The following ZNF469 variants were observed in gnomAD, a reference collection of about 807,000 sequenced individuals.
The protein encoded by ZNF469 is zinc finger protein 469.
ZNF469 carries 1 observed loss-of-function variant against 1.0 expected under a neutral mutation model. That is an observed-to-expected ratio of 1.00 (90% CI 0.35 to 4.73). ZNF469 has a LOEUF of 4.73. ZNF469 is among the 30% of genes most tolerant of loss of function. The probability of loss-of-function intolerance (pLI) is 0.16; values close to 1 mark genes in which losing one functional copy is unlikely to be tolerated. For missense variants in ZNF469, 6,100 were observed against 5,356.3 expected (o/e 1.14, Z -4.33); for synonymous variants, 2,703 against 2,363.4 (o/e 1.14, Z -4.17).
At chr16:88,277,467 A>G in the ZNF469 span, among the ~76,000 whole-genome samples, 2 of 126,372 alleles carry the variant, frequency 1.6e-5, no homozygotes, top group African/African-American at 6.6e-5. Context: ...TACCATGTAG[A>G]TATCATTAGT....
At chr16:88,304,307 C>T in the ZNF469 span, among the ~76,000 whole-genome samples, 1 of 152,186 alleles carries the variant, frequency 6.6e-6, no homozygotes, top group Non-Finnish European at 1.5e-5. Context: ...AATGCACACA[C>T]GTCCCCATCG....
the ZNF469 span, among the ~76,000 whole-genome samples, chr16:88,275,839 G>A: frequency 1.3e-5 from 2 of 152,270 alleles, no homozygotes; most frequent in East Asian, 3.9e-4. Context: ...CCCAGGAGGC[G>A]GGGCACAGGG....
chr16:88,429,555 C>A lies in ZNF469; in HGVS notation c.2085C>A (p.Pro695=). ...AGACCCCATTCCCCCACGAGGGCCCCGAGGTGGGTCGGGGAGGGCTGCAGG... is the reference window on the plus strand; with the variant it reads ...AGACCCCATTCCCCCACGAGGGCCCAGAGGTGGGTCGGGGAGGGCTGCAGG... The part of the protein sequence containing the change: ...LEETPFPHEG[P]EVGRGGLQGF... The change falls in exon 3 of 3, where the codon CCC becomes CCA. Residue 695 remains proline (P), a synonymous_variant. Coordinates refer to ENST00000565624, the MANE Select transcript of ZNF469 (RefSeq NM_001367624.2). The A allele has an allele frequency of 2.6e-6, 4 of 1,550,142 alleles. No individual in the cohort carries two copies. The highest frequency in any genetic ancestry group is 3.5e-6 in the Non-Finnish European group (4 of 1,146,870).
the ZNF469 span, among the ~76,000 whole-genome samples, chr16:88,317,250 C>T: frequency 3.3e-5 from 5 of 152,304 alleles, no homozygotes; most frequent in African/African-American, 4.8e-5. Flanking sequence ...TGATGAACAC[C>T]GACTCACATG....
chr16:88,393,912 G>A (rs1904566601), intron 1 of ZNF469, among the ~76,000 whole-genome samples: 2 of 152,362 alleles, frequency 1.3e-5, no homozygotes. Flanking sequence ...AGCCATGCTG[G>A]GGCCTCAGGA....
chr16:88,338,158 CG>C, the ZNF469 span, among the ~76,000 whole-genome samples: 385 of 152,336 alleles, frequency 2.5e-3, 2 homozygotes, highest in African/African-American at 8.8e-3. Flanking sequence ...AACCCTCCAG[CG>C]CTGCCAATCG....
intron 1 of ZNF469, among the ~76,000 whole-genome samples, chr16:88,387,527 G>A (rs1416472981): frequency 2.0e-5 from 3 of 152,234 alleles, no homozygotes; most frequent in Non-Finnish European, 4.4e-5. Context: ...GACAACGCTG[G>A]GGGCGGCTTG....
At chr16:88,387,340 G>A (rs536262191) in intron 1 of ZNF469, among the ~76,000 whole-genome samples, 55 of 152,314 alleles carry the variant, frequency 3.6e-4, no homozygotes, top group African/African-American at 1.3e-3. Flanking sequence ...CTTGGTCTGG[G>A]TTCACCAGGC....
chr16:88,247,327 GGTGAATGA>G, the ZNF469 span, among the ~76,000 whole-genome samples: 91 of 71,670 alleles, frequency 1.3e-3, 2 homozygotes, highest in East Asian at 7.1e-3. Flanking sequence ...GTGAGTGAAT[GGTGAATGA>G]GTGAATGAGT....
the ZNF469 span, among the ~76,000 whole-genome samples, chr16:88,180,250 T>C: frequency 2.6e-5 from 4 of 152,002 alleles, no homozygotes; most frequent in African/African-American, 9.7e-5. Flanking sequence ...AATAAAAATA[T>C]CCAGATTTTT....
At chr16:88,119,150 G>T in the ZNF469 span, among the ~76,000 whole-genome samples, 1 of 152,202 alleles carries the variant, frequency 6.6e-6, no homozygotes, top group East Asian at 1.9e-4. Flanking sequence ...GAGGAGTTGT[G>T]AGCTTGAAAA....
chr16:88,209,543 G>A, the ZNF469 span, among the ~76,000 whole-genome samples: 29,090 of 152,016 alleles, frequency 0.19, 2,914 homozygotes, highest in East Asian at 0.3. Flanking sequence ...CTCCCACCTC[G>A]GCCTCCCAAA....
chr16:88,132,348 C>G, the ZNF469 span, among the ~76,000 whole-genome samples: 1 of 152,242 alleles, frequency 6.6e-6, no homozygotes, highest in South Asian at 2.1e-4. Context: ...GACTGGCTGC[C>G]CAGAAGAGAG....
At chr16:88,173,924 G>A in the ZNF469 span, among the ~76,000 whole-genome samples, 422 of 151,690 alleles carry the variant, frequency 2.8e-3, 1 homozygote, top group African/African-American at 9.4e-3. Context: ...CATGAAAAAA[G>A]GAAAGAAGAA....
the ZNF469 span, among the ~76,000 whole-genome samples, chr16:88,191,316 G>A: frequency 3.9e-5 from 6 of 152,298 alleles, no homozygotes; most frequent in East Asian, 1.9e-4. Flanking sequence ...CCCAGGCCAC[G>A]GAGCTCTCGG....
At chr16:88,185,006 C>G in the ZNF469 span, among the ~76,000 whole-genome samples, 1 of 151,964 alleles carries the variant, frequency 6.6e-6, no homozygotes, top group African/African-American at 2.4e-5. Flanking sequence ...CGTGGGCACA[C>G]CCAGACATGG....
chr16:88,161,027 G>A, the ZNF469 span, among the ~76,000 whole-genome samples: 1 of 152,026 alleles, frequency 6.6e-6, no homozygotes, highest in Non-Finnish European at 1.5e-5. Context: ...AAAATTTAGT[G>A]GCAGGTACCT....
At chr16:88,349,256 C>G in the ZNF469 span, among the ~76,000 whole-genome samples, 2 of 151,840 alleles carry the variant, frequency 1.3e-5, no homozygotes, top group African/African-American at 4.8e-5. Flanking sequence ...GCCAAGAGGG[C>G]TGAGCGAGGC....
chr16:88,117,889 C>T, the ZNF469 span, among the ~76,000 whole-genome samples: 2 of 152,240 alleles, frequency 1.3e-5, no homozygotes, highest in Non-Finnish European at 2.9e-5. Context: ...CCACACACTG[C>T]GCCCGTCAGC....
Sources: allele counts gnomAD v4.1 joint callset (sites outside exome capture counted in the v4.1 genomes callset), GRCh38; gene constraint gnomAD v4.1.1; transcripts MANE v1.5; gene names NCBI Gene and HGNC (gene_info 2026-07-23, HGNC 2026-07-21).